SDHAF3: variants seen among roughly 807,000 people sequenced by gnomAD.
SDHAF3 encodes the protein succinate dehydrogenase complex assembly factor 3, also known as succinate dehydrogenase assembly factor 3, mitochondrial.
A neutral mutation model predicts 11.5 loss-of-function variants in SDHAF3; 18 were observed. The observed-to-expected ratio is 1.56, with a 90% CI of 1.08 to 2.32. The LOEUF (loss-of-function observed/expected upper bound fraction) is 2.32, where lower values mean the gene tolerates loss of function less well. SDHAF3 is among the 30% of genes most tolerant of loss of function. The pLI is 0.00. For missense variants in SDHAF3, 200 were observed against 154.4 expected (o/e 1.30, Z -1.57); for synonymous variants, 72 against 59.3 (o/e 1.21, Z -0.99).
intron 1 of SDHAF3, 63 bp downstream of exon 1, chr7:97,117,960 G>A: frequency 6.3e-7 from 1 of 1,578,622 alleles, no homozygotes; most frequent in East Asian, 2.2e-5. Flanking sequence ...CAGGTTTCTA[G>A]TTCCAGTCCC....
At chr7:97,160,943 A>G (rs549907505) in intron 1 of SDHAF3, among the ~76,000 whole-genome samples, 1 of 152,352 alleles carries the variant, frequency 6.6e-6, no homozygotes, top group East Asian at 1.9e-4. Context: ...CTTAAAAAAA[A>G]AAAGTACAGA....
chr7:97,126,264 G>A (rs1584208159), intron 1 of SDHAF3, among the ~76,000 whole-genome samples: 1 of 152,210 alleles, frequency 6.6e-6, no homozygotes, highest in South Asian at 2.1e-4. Flanking sequence ...CTTCCAGTCA[G>A]GAGGCATGGG....
chr7:97,145,225 A>G (rs1166584290), intron 1 of SDHAF3, among the ~76,000 whole-genome samples: 1 of 151,828 alleles, frequency 6.6e-6, no homozygotes, highest in Non-Finnish European at 1.5e-5. Context: ...TTTTGTGTGT[A>G]CATGTAATTT....
At chr7:97,122,505 GTT>G (rs796470315) in intron 1 of SDHAF3, among the ~76,000 whole-genome samples, 42 of 143,576 alleles carry the variant, frequency 2.9e-4, no homozygotes, top group African/African-American at 9.9e-4. Context: ...GATTTATGAG[GTT>G]TTTTTTTTTT....
chr7:97,133,499 A>G (rs889698652), intron 1 of SDHAF3, among the ~76,000 whole-genome samples: 2 of 152,206 alleles, frequency 1.3e-5, no homozygotes, highest in African/African-American at 4.8e-5. Context: ...TGTGGGTCCT[A>G]CAGCTTCGTT....
chr7:97,123,900 C>T (rs1311333511), intron 1 of SDHAF3, among the ~76,000 whole-genome samples: 6 of 150,714 alleles, frequency 4.0e-5, no homozygotes, highest in African/African-American at 7.3e-5. Context: ...GATAGTAGCC[C>T]TTTGTCAGAT....
chr7:97,139,318 C>A (rs143433027), intron 1 of SDHAF3, among the ~76,000 whole-genome samples: 45 of 152,226 alleles, frequency 3.0e-4, no homozygotes, highest in Middle Eastern at 3.4e-3. Flanking sequence ...CCCCCACACC[C>A]GGAGATGGGC....
rs550422834 is a variant in SDHAF3, at chr7:97,129,833, A to C, written c.174+11936A>C. ...CATGTCTGCTGAGGGCGAGCCAGGC[A>C]CAGAGCAGCAAAGGATATGTGAGCA... On this transcript the variant is annotated intron_variant, in intron 1 of 1. Transcript: ENST00000432641. 2.8e-4 allele frequency among the ~76,000 whole-genome samples: 43 copies of C among 152,224 alleles called. 1 individual carries two copies. The highest frequency in any genetic ancestry group is 9.1e-4 in the African/African-American group (38 of 41,558).
intron 1 of SDHAF3, 62 bp downstream of exon 1, chr7:97,117,959 A>G (rs929372775): frequency 3.1e-5 from 49 of 1,580,198 alleles, no homozygotes; most frequent in Non-Finnish European, 4.1e-5. Context: ...CCAGGTTTCT[A>G]GTTCCAGTCC....
rs11971050 is a variant in SDHAF3 at position 97,136,328 on chromosome 7, C to T, written c.174+18431C>T. 971 of 520,242 alleles carry T rather than the reference C, an allele frequency of 1.9e-3. 10 individuals are homozygous for T. The highest frequency in any genetic ancestry group is 0.017 in the African/African-American group (887 of 52,658). The allele number at this position is 520,242 out of a possible 1,614,324, so 32.2% of individuals were successfully genotyped here. ...ATCCTTTTGAAAAGTGAATTATCAA[C>T]CTGTAATTTGTTTCTTTGTGTAAAC... On this transcript the variant is annotated intron_variant, in intron 1 of 1. Coordinates refer to ENST00000432641, the MANE Select transcript of SDHAF3 (RefSeq NM_020186.3).
At chr7:97,163,638 T>A (rs1789451705) in intron 1 of SDHAF3, among the ~76,000 whole-genome samples, 1 of 152,220 alleles carries the variant, frequency 6.6e-6, no homozygotes, top group Admixed American at 6.5e-5. Context: ...ACTGGGCCAT[T>A]TAGCCCATTA....
At chr7:97,135,723 T>C (rs1182386426) in intron 1 of SDHAF3, among the ~76,000 whole-genome samples, 3 of 140,170 alleles carry the variant, frequency 2.1e-5, no homozygotes, top group Admixed American at 1.5e-4. Flanking sequence ...AGTCTCACTC[T>C]GTCGCCCAGG....
chr7:97,169,101 G>T (rs888546560), intron 1 of SDHAF3, among the ~76,000 whole-genome samples: 1 of 152,174 alleles, frequency 6.6e-6, no homozygotes, highest in Non-Finnish European at 1.5e-5. Context: ...GGAGGCCGAC[G>T]GATCACTTGA....
chr7:97,135,637 C>CGTGTGTGTGTGTGT (rs56102126), intron 1 of SDHAF3: 2 of 85,396 alleles, frequency 2.3e-5, no homozygotes, highest in African/African-American at 9.9e-5. Context: ...TATGTGCGTG[C>CGTGTGTGTGTGTGT]GTGTGTGTGT....
At chr7:97,170,011 G>A (rs1789582032) in intron 1 of SDHAF3, among the ~76,000 whole-genome samples, 1 of 151,768 alleles carries the variant, frequency 6.6e-6, no homozygotes, top group South Asian at 2.1e-4. Context: ...AGGTATTACA[G>A]TTAAACTTAT....
chr7:97,150,717 C>T (rs1464169479), intron 1 of SDHAF3, among the ~76,000 whole-genome samples: 1 of 151,938 alleles, frequency 6.6e-6, no homozygotes, highest in African/African-American at 2.4e-5. Flanking sequence ...GCGCCCACCA[C>T]CACACCCGGA....
intron 1 of SDHAF3, among the ~76,000 whole-genome samples, chr7:97,145,714 T>C (rs1789124049): frequency 6.6e-6 from 1 of 152,222 alleles, no homozygotes; most frequent in Non-Finnish European, 1.5e-5. Context: ...ATTTTGAATC[T>C]TGCTTCCTTT....
chr7:97,127,097 A>G (rs1584208647), intron 1 of SDHAF3, among the ~76,000 whole-genome samples: 1 of 152,136 alleles, frequency 6.6e-6, no homozygotes, highest in Admixed American at 6.5e-5. Context: ...GCAACACCCC[A>G]TGCTGCTTCT....
intron 1 of SDHAF3, among the ~76,000 whole-genome samples, chr7:97,160,933 C>T (rs1789398415): frequency 6.6e-6 from 1 of 151,080 alleles, no homozygotes; most frequent in African/African-American, 2.4e-5. Flanking sequence ...TTTGTCATCT[C>T]TTAAAAAAAA....
Sources: allele counts gnomAD v4.1 joint callset (sites outside exome capture counted in the v4.1 genomes callset), GRCh38; gene constraint gnomAD v4.1.1; transcripts MANE v1.5; gene names NCBI Gene and HGNC (gene_info 2026-07-23, HGNC 2026-07-21).